Variants in MYO9A observed in about 807,000 individuals in gnomAD.
The protein encoded by MYO9A is myosin IXA.
A neutral mutation model predicts 293.3 loss-of-function variants in MYO9A; 103 were observed. The observed-to-expected ratio is 0.35, with a 90% CI of 0.30 to 0.41. The LOEUF is 0.41. MYO9A is among the 10% of genes least tolerant of loss of function. The pLI is 1.00. For synonymous variants in MYO9A, 1,001 were observed against 1,035.7 expected (o/e 0.97, Z 0.64); for missense variants, 2,685 against 3,033.0 (o/e 0.89, Z 2.69).
chr15:71,932,296 T>C (rs1282162154), intron 18 of MYO9A, among the ~76,000 whole-genome samples: 2 of 152,034 alleles, frequency 1.3e-5, no homozygotes, highest in African/African-American at 4.8e-5. Context: ...TGAATGCCCA[T>C]TTATTTGTTT....
chr15:72,020,184 C>T (rs2077462857), intron 5 of MYO9A, among the ~76,000 whole-genome samples: 1 of 152,156 alleles, frequency 6.6e-6, no homozygotes, highest in African/African-American at 2.4e-5. Context: ...GACATTACAT[C>T]TTGCCTCCAA....
At chr15:71,915,719 A>C (rs891411573) in intron 19 of MYO9A, among the ~76,000 whole-genome samples, 1 of 152,192 alleles carries the variant, frequency 6.6e-6, no homozygotes, top group African/African-American at 2.4e-5. Flanking sequence ...CTTCTGTGAT[A>C]TAAACATGAA....
At chr15:71,836,099 T>A in intron 39 of MYO9A, among the ~76,000 whole-genome samples, 1 of 151,812 alleles carries the variant, frequency 6.6e-6, no homozygotes, top group Non-Finnish European at 1.5e-5. Context: ...AAGCAAACCA[T>A]AGAATGGAAG....
chr15:71,857,686 G>T (rs1170025934), intron 34 of MYO9A, among the ~76,000 whole-genome samples: 1 of 145,486 alleles, frequency 6.9e-6, no homozygotes, highest in Non-Finnish European at 1.5e-5. Flanking sequence ...TGTATCGACA[G>T]TTTTTTTTTT....
Position 71,826,007 on chromosome 15 carries a change from TTGTTTTTTTTTTTTG to T in MYO9A, c.*558_*572del, listed in dbSNP as rs1352289073. On this transcript the variant is annotated 3_prime_UTR_variant, in exon 42 of 42. Coordinates refer to ENST00000356056, the MANE Select transcript of MYO9A (RefSeq NM_006901.4). Reference sequence around the variant, plus strand: ...ACGGTTTTTTTTTGTTTTTTTTTTTTTGTTTTTTTTTTTTGTTTTTGCTTTCCCCAGAATATAACA... The same window carrying T: ...ACGGTTTTTTTTTGTTTTTTTTTTTTTTTTTGCTTTCCCCAGAATATAACA... 1.0e-3 allele frequency: 105 copies of T among 101,628 alleles called. No homozygotes were observed. Among genetic ancestry groups the T allele is most frequent in the African/African-American group, 3.4e-3 (98 of 29,128 alleles). 6.3% of individuals were successfully genotyped at this position (101,628 alleles called of 1,614,324 possible).
intron 12 of MYO9A, among the ~76,000 whole-genome samples, chr15:71,975,224 T>C (rs2076107136): frequency 6.6e-6 from 1 of 152,172 alleles, no homozygotes; most frequent in South Asian, 2.1e-4. Flanking sequence ...TGTAGCAGTA[T>C]GTTTGAGTTG....
chr15:71,910,526 C>T (rs1340216594), intron 19 of MYO9A, among the ~76,000 whole-genome samples: 1 of 152,014 alleles, frequency 6.6e-6, no homozygotes, highest in Non-Finnish European at 1.5e-5. Context: ...TTGCTATGAA[C>T]ATACTTATAC....
chr15:71,896,055 C>G (rs755949049), intron 25 of MYO9A, among the ~76,000 whole-genome samples: 18 of 152,184 alleles, frequency 1.2e-4, no homozygotes, highest in Non-Finnish European at 2.6e-4. Flanking sequence ...ATATGCTACA[C>G]AGAGTCTTTG....
Position 71,823,358 on chromosome 15 carries a change from A to G in MYO9A, c.*3222T>C, listed in dbSNP as rs544229217. On this transcript the variant is annotated 3_prime_UTR_variant, in exon 42 of 42. Coordinates refer to ENST00000356056, the MANE Select transcript of MYO9A (RefSeq NM_006901.4). The stretch of plus-strand genomic sequence containing the variant: ...ACAACGCTACTGTTATGAAACACAG[A>G]ATGGAGTCTTCATTAATCTTCCAGC... 7 of 152,304 alleles carry G rather than the reference A, an allele frequency of 4.6e-5. No individual in the cohort carries two copies. In the East Asian group the frequency reaches 1.2e-3, roughly 25 times the overall value. The allele number at this position is 152,304 out of a possible 1,614,324, so 9.4% of individuals were successfully genotyped here.
Position 71,897,949 on chromosome 15 carries a change from C to G in MYO9A, c.4554G>C (p.Gln1518His), listed in dbSNP as rs776715628. Residue 1518 changes from glutamine (Q) to histidine (H), a missense_variant, in exon 25 of 42, where the codon CAG becomes CAC. Transcript: ENST00000356056. ...NEKEMMEQIR[Q>H]QTDILEKERK... ...GCTCCTTCTCTAAAATATCTGTTTG[C>G]TGGCGAATCTGTTCCATCATCTCTT... 6.2e-7 allele frequency: 1 copy of G among 1,614,174 alleles called. No individual in the cohort carries two copies. The highest frequency in any genetic ancestry group is 1.7e-5 in the Admixed American group (1 of 60,004).
At chr15:71,914,097 C>G (rs2057939376) in intron 19 of MYO9A, among the ~76,000 whole-genome samples, 1 of 152,146 alleles carries the variant, frequency 6.6e-6, no homozygotes, top group African/African-American at 2.4e-5. Context: ...TCTCTTCATA[C>G]AATTTCCTTC....
intron 18 of MYO9A, among the ~76,000 whole-genome samples, chr15:71,927,787 A>AT (rs2058352039): frequency 2.0e-5 from 3 of 151,090 alleles, no homozygotes; most frequent in African/African-American, 7.3e-5. Context: ...ACTTGGTTGG[A>AT]TTTTTTATGT....
intron 32 of MYO9A, among the ~76,000 whole-genome samples, chr15:71,868,546 C>T (rs544800554): frequency 6.6e-6 from 1 of 152,226 alleles, no homozygotes; most frequent in South Asian, 2.1e-4. Flanking sequence ...CACAGCAGTA[C>T]CCAGATTATG....
chr15:72,101,386 G>A lies in MYO9A; in HGVS notation c.-72+16294C>T, dbSNP rs1376576048. Among the ~76,000 whole-genome samples the A allele has an allele frequency of 2.8e-5, 4 of 144,296 alleles. 1 individual carries two copies. Among genetic ancestry groups the A allele is most frequent in the Admixed American group, 1.4e-4 (2 of 14,696 alleles). The allele number at this position is 144,296 out of a possible 152,430, so 94.7% of individuals were successfully genotyped here. On this transcript the variant is annotated intron_variant, in intron 1 of 41. Coordinates refer to ENST00000356056, the MANE Select transcript of MYO9A (RefSeq NM_006901.4). Reference sequence around the variant, plus strand: ...CCAGCCGCCCCATCTGGGAGGTGAGGGGCGCCTCTGCCTGGCCGCCCCTAC... The same window carrying A: ...CCAGCCGCCCCATCTGGGAGGTGAGAGGCGCCTCTGCCTGGCCGCCCCTAC...
chr15:72,013,298 T>C (rs140159452), intron 6 of MYO9A, among the ~76,000 whole-genome samples: 3 of 152,302 alleles, frequency 2.0e-5, no homozygotes, highest in African/African-American at 4.8e-5. Context: ...TCATCAGTCA[T>C]TGTTTGAAGA....
chr15:71,994,501 G>T lies in MYO9A; in HGVS notation c.1555C>A (p.Leu519Met). 6.2e-7 allele frequency: 1 copy of T among 1,608,882 alleles called. No individual in the cohort carries two copies. Among genetic ancestry groups the T allele is most frequent in the Non-Finnish European group, 8.5e-7 (1 of 1,177,534 alleles). The change falls in exon 10 of 42, where the codon CTG (leucine) becomes ATG (methionine). Residue 519 changes from leucine (L) to methionine (M), a missense_variant. Leu to Met is a conservative substitution (Grantham distance 15). Coordinates refer to ENST00000356056, the MANE Select transcript of MYO9A (RefSeq NM_006901.4). Reference protein sequence around the residue: ...WIVFRINHALLNSKDLEHNTK... With the variant: ...WIVFRINHALMNSKDLEHNTK... ...TTATGCTCTAAATCTTTACTATTCA[G>T]AAGTGCATGATTAATTCGAAAAACT...
chr15:72,002,072 C>T (rs1047579846), intron 8 of MYO9A, among the ~76,000 whole-genome samples: 1 of 152,014 alleles, frequency 6.6e-6, no homozygotes, highest in Admixed American at 6.6e-5. Context: ...TTGGACAACA[C>T]AGCAAGACCT....
chr15:71,859,700 C>T, intron 34 of MYO9A, 35 bp downstream of exon 34: 1 of 1,554,184 alleles, frequency 6.4e-7, no homozygotes, highest in South Asian at 1.1e-5. Flanking sequence ...ACCAACAGGT[C>T]TGTTATCTAT....
At chr15:72,033,754 C>T (rs530289953) in intron 2 of MYO9A, among the ~76,000 whole-genome samples, 3 of 152,100 alleles carry the variant, frequency 2.0e-5, no homozygotes, top group Non-Finnish European at 2.9e-5. Flanking sequence ...CTGAGCTGTA[C>T]GCTTTAAATG....
Sources: allele counts gnomAD v4.1 joint callset (sites outside exome capture counted in the v4.1 genomes callset), GRCh38; gene constraint gnomAD v4.1.1; transcripts MANE v1.5; gene names NCBI Gene and HGNC (gene_info 2026-07-23, HGNC 2026-07-21).